CIBAR2: variants seen among roughly 807,000 people sequenced by gnomAD.
CIBAR2 encodes CBY1 interacting BAR domain containing 2, also known as CBY1-interacting BAR domain-containing protein 2.
A neutral mutation model predicts 36.2 loss-of-function variants in CIBAR2; 38 were observed. That is an observed-to-expected ratio of 1.05 (90% CI 0.81 to 1.38). The LOEUF is 1.38. Ranked by LOEUF, CIBAR2 falls within the 40% of genes most tolerant of loss-of-function variation. The pLI is 0.00. For synonymous variants in CIBAR2, 182 were observed against 149.5 expected (o/e 1.22, Z -1.58); for missense variants, 481 against 383.4 (o/e 1.25, Z -2.13).
chr16:85,100,006 C>G (rs918563730), intron 8 of CIBAR2, 133 bp downstream of exon 8: 18 of 692,780 alleles, frequency 2.6e-5, no homozygotes, highest in Non-Finnish European at 4.1e-5. Flanking sequence ...TCCCACCACC[C>G]CTGCCTCCTC....
chr16:85,111,965 G>C (rs750151161), intron 1 of CIBAR2, among the ~76,000 whole-genome samples: 91 of 152,378 alleles, frequency 6.0e-4, no homozygotes, highest in South Asian at 1.2e-3. Flanking sequence ...TGAGAGCAGG[G>C]ATGGCATGGG....
chr16:85,099,026 T>C lies in CIBAR2; in HGVS notation c.*159A>G, dbSNP rs1248856436. On this transcript the variant is annotated 3_prime_UTR_variant, in exon 9 of 9. Transcript: ENST00000539556. ...CTCTGGAAAGTCTCAGCAACAGAATTGAACAAGTAGAAGAAGGAAATTCAG... is the reference window on the plus strand; with the variant it reads ...CTCTGGAAAGTCTCAGCAACAGAATCGAACAAGTAGAAGAAGGAAATTCAG... 1 of 819,736 alleles carries C rather than the reference T, an allele frequency of 1.2e-6. No individual in the cohort carries two copies. Among genetic ancestry groups the C allele is most frequent in the South Asian group, 2.8e-5 (1 of 35,756 alleles). 50.8% of individuals were successfully genotyped at this position (819,736 alleles called of 1,614,324 possible). A position where few individuals can be genotyped will look rare whatever the true frequency, so the allele number is the denominator to read the frequency against.
rs1189537725 is a variant in CIBAR2, at chr16:85,105,344, T to C, written c.520A>G (p.Lys174Glu). The change falls in exon 6 of 9, where the codon AAG becomes GAG. Residue 174 changes from lysine (K) to glutamate (E), a missense_variant. Physicochemically the swap from Lys to Glu is moderately conservative, Grantham distance 56. Transcript: ENST00000539556. ...ACCCTCACCTGCAGGTCCTTGAGCT[T>C]CTGCCTCTGGAAGCCATCCACAGTC... is the stretch of plus-strand genomic sequence containing the variant. ...EETVDGFQRQKLKDLQKFFCD... is the reference protein window; with the variant it reads ...EETVDGFQRQELKDLQKFFCD... 1 of 1,613,006 alleles carries C rather than the reference T, an allele frequency of 6.2e-7. No homozygotes were observed. Among genetic ancestry groups the C allele is most frequent in the African/African-American group, 1.3e-5 (1 of 75,050 alleles).
intron 7 of CIBAR2, among the ~76,000 whole-genome samples, chr16:85,100,516 C>A (rs1299363046): frequency 1.3e-5 from 2 of 152,114 alleles, no homozygotes; most frequent in Admixed American, 6.5e-5. Flanking sequence ...ATTCGAGATC[C>A]CCCTTTCCCC....
At chr16:85,102,361 C>T (rs368794593) in intron 6 of CIBAR2, 34 bp from the exon 7 acceptor site, 15 of 1,361,106 alleles carry the variant, frequency 1.1e-5, no homozygotes, top group East Asian at 4.6e-5. Context: ...ATGTAAGCAT[C>T]GCAGTGAGAA....
At position 85,098,713 on chromosome 16, in the gene CIBAR2, C is replaced by T; in HGVS notation, c.*472G>A. On this transcript the variant is annotated 3_prime_UTR_variant, in exon 9 of 9. Transcript: ENST00000539556. ...AATAATAATAATAAAACGACAGCAA[C>T]ATCAGTAATGATAATGGCAGCAACA... is the stretch of plus-strand genomic sequence containing the variant. 2.4e-6 allele frequency: 2 copies of T among 822,704 alleles called. No homozygotes were observed. Among genetic ancestry groups the T allele is most frequent in the Non-Finnish European group, 2.9e-6 (2 of 681,168 alleles). The allele number at this position is 822,704 out of a possible 1,614,324, so 51.0% of individuals were successfully genotyped here.
At chr16:85,100,837 G>A (rs1002671881) in intron 7 of CIBAR2, among the ~76,000 whole-genome samples, 2 of 152,180 alleles carry the variant, frequency 1.3e-5, no homozygotes, top group Admixed American at 6.5e-5. Context: ...CATGAGGTCA[G>A]GAGATCAAGA....
At chr16:85,100,289 G>C in intron 7 of CIBAR2, 49 bp from the exon 8 acceptor site, 1 of 1,287,214 alleles carries the variant, frequency 7.8e-7, no homozygotes, top group Non-Finnish European at 1.1e-6. Context: ...AAAACACAGC[G>C]TGGGTTGGGG....
chr16:85,112,240 G>A, intron 1 of CIBAR2, 93 bp downstream of exon 1: 1 of 1,000,684 alleles, frequency 1.0e-6, no homozygotes, highest in Non-Finnish European at 1.6e-6. Flanking sequence ...ACCCCAAGCA[G>A]CAGGCCCTGC....
Position 85,099,281 on chromosome 16 carries a change from G to T in CIBAR2, c.819C>A (p.Gly273=). ...EDPEHPHANH[G]RFSLCEWVVK... is the part of the protein sequence containing the mutation. Reference sequence around the variant, plus strand: ...CCACCCACTCACAGAGACTAAACCTGCCATGATTGGCATGAGGATGTTCAG... The same window carrying T: ...CCACCCACTCACAGAGACTAAACCTTCCATGATTGGCATGAGGATGTTCAG... Residue 273 remains glycine (G), a synonymous_variant, in exon 9 of 9, where the codon GGC becomes GGA. Transcript: ENST00000539556. 6.2e-7 allele frequency: 1 copy of T among 1,614,044 alleles called. No homozygotes were observed. The highest frequency in any genetic ancestry group is 8.5e-7 in the Non-Finnish European group (1 of 1,179,954).
chr16:85,098,451 G>A lies in CIBAR2; in HGVS notation c.*734C>T. The A allele has an allele frequency of 1.2e-6, 1 of 844,486 alleles. No individual in the cohort carries two copies. 52.3% of individuals were successfully genotyped at this position (844,486 alleles called of 1,614,324 possible). On this transcript the variant is annotated 3_prime_UTR_variant, in exon 9 of 9. Coordinates refer to ENST00000539556, the MANE Select transcript of CIBAR2 (RefSeq NM_198491.3). ...TGAAGTGAGTGATATTGGCCCTGTT[G>A]TACAGATGAGGAAACTGAGGCTCAG...
rs182698207 is a variant in CIBAR2, at chr16:85,108,788, C to T, written c.256-689G>A. Among the ~76,000 whole-genome samples the T allele has an allele frequency of 5.2e-3, 791 of 152,266 alleles. 7 individuals carry two copies. The highest frequency in any genetic ancestry group is 0.018 in the African/African-American group (765 of 41,544). ...GCTTGGGAGGCTGAGGCAGGAGAATCGCTTGAACCTGCAAGGCTGGAGGTT... is the reference window on the plus strand; with the variant it reads ...GCTTGGGAGGCTGAGGCAGGAGAATTGCTTGAACCTGCAAGGCTGGAGGTT... On this transcript the variant is annotated intron_variant, in intron 2 of 8. Transcript: ENST00000539556.
At chr16:85,102,089 G>A (rs1035187066) in intron 7 of CIBAR2, 125 bp downstream of exon 7, 2 of 631,254 alleles carry the variant, frequency 3.2e-6, no homozygotes, top group Non-Finnish European at 2.9e-6. Flanking sequence ...CGCTTCATCA[G>A]CATGAGTCTT....
At chr16:85,099,767 G>GTGCCCA (rs2073939993) in intron 8 of CIBAR2, among the ~76,000 whole-genome samples, 1 of 149,444 alleles carries the variant, frequency 6.7e-6, no homozygotes, top group Non-Finnish European at 1.5e-5. Flanking sequence ...GGGATTACAG[G>GTGCCCA]CATACACCAC....
At chr16:85,107,101 C>G (rs916297343) in intron 5 of CIBAR2, among the ~76,000 whole-genome samples, 10 of 152,014 alleles carry the variant, frequency 6.6e-5, no homozygotes, top group Admixed American at 6.5e-5. Flanking sequence ...AGCCGAGACT[C>G]TGCCACTTGC....
rs756458279 is a variant in CIBAR2 at position 85,112,393 on chromosome 16, G to C, written c.-41C>G. 2 of 1,607,762 alleles carry C rather than the reference G, an allele frequency of 1.2e-6. No homozygotes were observed. The highest frequency in any genetic ancestry group is 1.7e-6 in the Non-Finnish European group (2 of 1,174,354). ...GGCTGTCCCGGTGCTGGGGAATAAG[G>C]ACAGGGCCCCAGGGGTCCTGCAGGC... On this transcript the variant is annotated 5_prime_UTR_variant, in exon 1 of 9. Coordinates refer to ENST00000539556, the MANE Select transcript of CIBAR2 (RefSeq NM_198491.3).
chr16:85,103,399 G>C (rs1176458038), intron 6 of CIBAR2, among the ~76,000 whole-genome samples: 9 of 152,232 alleles, frequency 5.9e-5, no homozygotes, highest in South Asian at 2.1e-4. Flanking sequence ...GATGGACTAA[G>C]ACAGGTGGTG....
In CIBAR2 at chr16:85,107,953, G is replaced by C. The variant is rs2074009907; in HGVS notation, c.325-6C>G. ...TTGAATTTCTTGATCTCAGCCTGCA[G>C]AAAAGGAGGAGGGTTGTTTCCTGGG... On this transcript the variant is annotated splice_polypyrimidine_tract_variant and splice_region_variant and intron_variant, in intron 3 of 8. Transcript: ENST00000539556. 1 of 1,613,894 alleles carries C rather than the reference G, an allele frequency of 6.2e-7. No homozygotes were observed.
At chr16:85,104,357 C>A (rs1257069993) in intron 6 of CIBAR2, among the ~76,000 whole-genome samples, 1 of 152,198 alleles carries the variant, frequency 6.6e-6, no homozygotes, top group Non-Finnish European at 1.5e-5. Flanking sequence ...ATCCTTAGAA[C>A]AAGGGGAGCC....
Sources: allele counts gnomAD v4.1 joint callset (sites outside exome capture counted in the v4.1 genomes callset), GRCh38; gene constraint gnomAD v4.1.1; transcripts MANE v1.5; gene names NCBI Gene and HGNC (gene_info 2026-07-23, HGNC 2026-07-21).